Variants in TRMT61B observed in about 807,000 individuals in gnomAD.
TRMT61B encodes tRNA (adenine(58)-N(1))-methyltransferase, mitochondrial.
In TRMT61B, 56 loss-of-function variants were observed where a neutral mutation model predicts 52.0. The observed-to-expected ratio is 1.08, with a 90% CI of 0.87 to 1.35. The LOEUF (loss-of-function observed/expected upper bound fraction) is 1.35. Ranked by LOEUF, TRMT61B falls within the 40% of genes most tolerant of loss-of-function variation. The pLI, the probability that TRMT61B is intolerant of heterozygous loss-of-function variation, is 0.00. For missense variants in TRMT61B, 650 were observed against 577.9 expected (o/e 1.12, Z -1.28); for synonymous variants, 206 against 220.0 (o/e 0.94, Z 0.56).
chr2:28,854,770 A>AG lies in TRMT61B; in HGVS notation c.994-2272_994-2271insC, dbSNP rs796172048. 1.4e-3 allele frequency among the ~76,000 whole-genome samples: 149 copies of AG among 109,414 alleles called. 28 individuals carry two copies. The highest frequency in any genetic ancestry group is 3.6e-3 in the East Asian group (12 of 3,354). 71.8% of individuals were successfully genotyped at this position (109,414 alleles called of 152,430 possible). Reference sequence around the variant, plus strand: ...AAAAAAAAAAAAAAAAAAAAAAAAAAACTGCCAGGCGTGGTGGCATGCTCC... The same window carrying AG: ...AAAAAAAAAAAAAAAAAAAAAAAAAAGACTGCCAGGCGTGGTGGCATGCTCC... On this transcript the variant is annotated intron_variant, in intron 3 of 6. Coordinates refer to ENST00000306108, the MANE Select transcript of TRMT61B (RefSeq NM_017910.4).
intron 1 of TRMT61B, among the ~76,000 whole-genome samples, chr2:28,869,152 T>C (rs1478477246): frequency 6.6e-6 from 1 of 152,264 alleles, no homozygotes; most frequent in Non-Finnish European, 1.5e-5. Context: ...CTATTGTTAA[T>C]ATACTCTTGT....
rs538795606 is a variant in TRMT61B, at chr2:28,861,220, T to C, written c.891A>G (p.Ser297=). 5.0e-6 allele frequency: 8 copies of C among 1,614,016 alleles called. No individual in the cohort carries two copies. In the African/African-American group the frequency reaches 1.1e-4, roughly 22 times the overall value. ...ACTCTTCTACATGACTTAATTTCCA[T>C]GAATCACGCCAGTGTTTGTAATTCT... ...AKKNYKHWRD[S]WKLSHVEEWP... Residue 297 remains serine (S), a synonymous_variant, in exon 3 of 7, where the codon TCA becomes TCG. Coordinates refer to ENST00000306108, the MANE Select transcript of TRMT61B (RefSeq NM_017910.4).
rs773420398 is a variant in TRMT61B at position 28,869,910 on chromosome 2, G to A, written c.368C>T (p.Ser123Leu). The A allele has an allele frequency of 1.2e-6, 2 of 1,613,734 alleles. No individual in the cohort carries two copies. The highest frequency in any genetic ancestry group is 1.7e-6 in the Non-Finnish European group (2 of 1,179,902). The change falls in exon 1 of 7, where the codon TCG becomes TTG. Residue 123 changes from serine (S) to leucine (L), a missense_variant. By Grantham distance (145) the Ser-to-Leu change is moderately radical (BLOSUM62 -2). Transcript: ENST00000306108. ...AGCGGACTGGGCCTGCGAGAGCATC[G>A]AAGGATCCTCGGATCCCTGGTGTGT... ...GPTHQGSEDPSMLSQAQSATE... is the reference protein window; with the variant it reads ...GPTHQGSEDPLMLSQAQSATE...
In TRMT61B at chr2:28,862,930, G is replaced by C. The variant is rs570239709; in HGVS notation, c.803-1622C>G. On this transcript the variant is annotated intron_variant, in intron 2 of 6. Coordinates refer to ENST00000306108, the MANE Select transcript of TRMT61B (RefSeq NM_017910.4). ...AAGAACTTTTAAACTAATTAGCACA[G>C]TAATACTGCAATTCCAGAGAGGAGT... Among the ~76,000 whole-genome samples, 7 of 151,376 alleles carry C rather than the reference G, an allele frequency of 4.6e-5. No individual in the cohort carries two copies. The East Asian group carries it at 1.4e-3, about 30-fold the overall frequency.
rs750534576 is a variant in TRMT61B at position 28,850,419 on chromosome 2, AT to A, written c.1313-15del. On this transcript the variant is annotated splice_polypyrimidine_tract_variant and intron_variant, in intron 5 of 6. Coordinates refer to ENST00000306108, the MANE Select transcript of TRMT61B (RefSeq NM_017910.4). The stretch of plus-strand genomic sequence containing the variant: ...AATGCGATTCTTCTGTTGTAAAAAA[AT>A]ATATGTACTATAAGCTACATAAAAT... 11 of 1,533,290 alleles carry A rather than the reference AT, an allele frequency of 7.2e-6. No homozygotes were observed. The highest frequency in any genetic ancestry group is 6.9e-5 in the African/African-American group (5 of 72,946). The allele number at this position is 1,533,290 out of a possible 1,614,324, so 95.0% of individuals were successfully genotyped here. A position where few individuals can be genotyped will look rare whatever the true frequency, so the allele number is the denominator to read the frequency against.
At chr2:28,852,104 G>C (rs942993846) in intron 4 of TRMT61B, among the ~76,000 whole-genome samples, 1 of 150,890 alleles carries the variant, frequency 6.6e-6, no homozygotes, top group African/African-American at 2.4e-5. Flanking sequence ...CTGAAGTCAG[G>C]AGTTCAAGAC....
At chr2:28,851,363 C>G (rs1344759324) in intron 4 of TRMT61B, 65 bp from the exon 5 acceptor site, 3 of 1,127,420 alleles carry the variant, frequency 2.7e-6, no homozygotes, top group Non-Finnish European at 3.7e-6. Flanking sequence ...TTTAAGTTCC[C>G]TATACCTCTT....
intron 2 of TRMT61B, among the ~76,000 whole-genome samples, chr2:28,862,754 G>A (rs1256034117): frequency 1.3e-5 from 2 of 151,362 alleles, no homozygotes; most frequent in Non-Finnish European, 2.9e-5. Flanking sequence ...ACTTTGGGAG[G>A]GCAAGGCAGG....
intron 5 of TRMT61B, chr2:28,850,728 G>C: frequency 3.2e-6 from 1 of 309,082 alleles, no homozygotes. Context: ...CAGCATCTTA[G>C]AAGTTGCTTT....
intron 2 of TRMT61B, among the ~76,000 whole-genome samples, chr2:28,863,695 G>C (rs1273310559): frequency 6.6e-6 from 1 of 152,104 alleles, no homozygotes; most frequent in Non-Finnish European, 1.5e-5. Flanking sequence ...ACTATGTACA[G>C]AAAAGTCAAA....
chr2:28,860,861 A>C (rs1048631966), intron 3 of TRMT61B, among the ~76,000 whole-genome samples: 2 of 152,232 alleles, frequency 1.3e-5, no homozygotes, highest in African/African-American at 4.8e-5. Flanking sequence ...CATGATGCTC[A>C]ACTAGTCTTT....
intron 1 of TRMT61B, among the ~76,000 whole-genome samples, chr2:28,866,426 G>T (rs1669852645): frequency 6.6e-6 from 1 of 152,362 alleles, no homozygotes; most frequent in South Asian, 2.1e-4. Context: ...GGATGAAATT[G>T]TTCCACCTCA....
Position 28,869,701 on chromosome 2 carries a change from C to T in TRMT61B, c.577G>A (p.Val193Met). 2 of 1,614,150 alleles carry T rather than the reference C, an allele frequency of 1.2e-6. No individual in the cohort carries two copies. The highest frequency in any genetic ancestry group is 1.7e-6 in the Non-Finnish European group (2 of 1,180,020). ...AGTATCTGGCCGGGGAACTTCCCCA[C>T]GATCTTGCCGAACGGGACTGCCCCC... ...NWGAVPFGKIVGKFPGQILRS... is the reference protein window; with the variant it reads ...NWGAVPFGKIMGKFPGQILRS... Residue 193 changes from valine (V) to methionine (M), a missense_variant, in exon 1 of 7, where the codon GTG becomes ATG. Physicochemically the swap from Val to Met is conservative, Grantham distance 21. Coordinates refer to ENST00000306108, the MANE Select transcript of TRMT61B (RefSeq NM_017910.4).
At chr2:28,862,204 C>CAAAAAAA in intron 2 of TRMT61B, among the ~76,000 whole-genome samples, 1 of 65,460 alleles carries the variant, frequency 1.5e-5, no homozygotes. Context: ...GACTCCGTCT[C>CAAAAAAA]AAAAAAAAAA....
chr2:28,861,027 G>A lies in TRMT61B; in HGVS notation c.993+91C>T, dbSNP rs144155567. The stretch of plus-strand genomic sequence containing the variant: ...CCCTAGAGATAGACATGAAGCAAAC[G>A]AAGGAAGACCTTTGCCCATACAAAA... On this transcript the variant is annotated intron_variant, in intron 3 of 6. Coordinates refer to ENST00000306108, the MANE Select transcript of TRMT61B (RefSeq NM_017910.4). 134 of 1,086,820 alleles carry A rather than the reference G, an allele frequency of 1.2e-4. 1 individual carries two copies. Among genetic ancestry groups the A allele is most frequent in the Admixed American group, 1.0e-3 (36 of 35,930 alleles). The allele number at this position is 1,086,820 out of a possible 1,614,324, so 67.3% of individuals were successfully genotyped here. A position where few individuals can be genotyped will look rare whatever the true frequency, so the allele number is the denominator to read the frequency against.
At position 28,852,494 on chromosome 2, in the gene TRMT61B, A is replaced by C; in HGVS notation, c.999T>G (p.Ala333=). The C allele has an allele frequency of 6.2e-7, 1 of 1,603,642 alleles. No homozygotes were observed. ...DIKSLTFDAV[A]LDMLNPHVTL... is the part of the protein sequence containing the mutation. Reference sequence around the variant, plus strand: ...TAACATGAGGATTTAACATATCCAAAGCTACCTGTGTGGGGGAAAAAGAGA... The same window carrying C: ...TAACATGAGGATTTAACATATCCAACGCTACCTGTGTGGGGGAAAAAGAGA... Residue 333 remains alanine, a synonymous_variant, in exon 4 of 7, where the codon GCT becomes GCG. Coordinates refer to ENST00000306108, the MANE Select transcript of TRMT61B (RefSeq NM_017910.4).
At chr2:28,866,657 T>C (rs1280187939) in intron 1 of TRMT61B, among the ~76,000 whole-genome samples, 1 of 152,112 alleles carries the variant, frequency 6.6e-6, no homozygotes, top group Non-Finnish European at 1.5e-5. Context: ...AGCCTGGGGG[T>C]AGGGGAGCCC....
rs748906251 is a variant in TRMT61B, at chr2:28,869,787, C to T, written c.491G>A (p.Gly164Glu). The change falls in exon 1 of 7, where the codon GGA (glycine) becomes GAA (glutamate). Residue 164 changes from glycine (G) to glutamate (E), a missense_variant. Gly to Glu is a moderately conservative substitution (Grantham distance 98). Coordinates refer to ENST00000306108, the MANE Select transcript of TRMT61B (RefSeq NM_017910.4). ...AAATAATTTCTTAAATTTTGTTTCTCCCTCCCCAGTCTCAGCTAAAATCAG... is the reference window on the plus strand; with the variant it reads ...AAATAATTTCTTAAATTTTGTTTCTTCCTCCCCAGTCTCAGCTAAAATCAG... ...GELILAETGE[G>E]ETKFKKLFRL... 1 of 1,614,176 alleles carries T rather than the reference C, an allele frequency of 6.2e-7. No individual in the cohort carries two copies. The highest frequency in any genetic ancestry group is 1.7e-5 in the Admixed American group (1 of 60,014).
intron 6 of TRMT61B, 28 bp downstream of exon 6, chr2:28,850,300 T>C (rs1669019704): frequency 1.9e-6 from 3 of 1,601,984 alleles, no homozygotes; most frequent in African/African-American, 1.3e-5. Context: ...AAAAACACCA[T>C]TTAATATGTT....
Sources: gnomAD v4.1 joint callset for allele counts (sites outside exome capture counted in the v4.1 genomes callset) on GRCh38, gnomAD v4.1.1 for gene constraint, MANE v1.5 for transcripts, NCBI Gene and HGNC (gene_info 2026-07-23, HGNC 2026-07-21) for gene names.